The following YAE1 variants were observed in gnomAD, a reference collection of about 807,000 sequenced individuals.
The protein encoded by YAE1 is protein YAE1 homolog.
In YAE1, 22 loss-of-function variants were observed where a neutral mutation model predicts 23.0. That is an observed-to-expected ratio of 0.96 (90% CI 0.68 to 1.37). YAE1 has a LOEUF of 1.37. YAE1 is among the 40% of genes most tolerant of loss of function. The pLI, the probability that YAE1 is intolerant of heterozygous loss-of-function variation, is 0.00. For missense variants in YAE1, 260 were observed against 262.1 expected (o/e 0.99, Z 0.06); for synonymous variants, 101 against 97.0 (o/e 1.04, Z -0.24).
chr7:39,573,057 A>G (rs778573204), downstream of YAE1, among the ~76,000 whole-genome samples: 1 of 152,162 alleles, frequency 6.6e-6, no homozygotes, highest in Non-Finnish European at 1.5e-5. Context: ...TCCTGTCACT[A>G]TTAGGTGGTC....
At chr7:39,593,729 A>C (rs1790937664) in intron 2 of YAE1, among the ~76,000 whole-genome samples, 1 of 152,078 alleles carries the variant, frequency 6.6e-6, no homozygotes, top group Non-Finnish European at 1.5e-5. Context: ...AAATACTGGA[A>C]ATTACAGGCA....
chr7:39,571,153 C>T (rs1163775621), intron 2 of YAE1, among the ~76,000 whole-genome samples: 2 of 152,188 alleles, frequency 1.3e-5, no homozygotes, highest in Non-Finnish European at 2.9e-5. Context: ...GCTTGTCCAA[C>T]CAGTGGCCTG....
At chr7:39,590,955 G>T (rs768393598) in intron 2 of YAE1, among the ~76,000 whole-genome samples, 3 of 152,160 alleles carry the variant, frequency 2.0e-5, no homozygotes, top group Non-Finnish European at 4.4e-5. Context: ...AGACTGGGTG[G>T]CTGGGTGGCT....
chr7:39,572,193 C>T, intron 2 of YAE1, 84 bp from the exon 3 acceptor site: 1 of 1,357,578 alleles, frequency 7.4e-7, no homozygotes, highest in Non-Finnish European at 9.9e-7. Context: ...TGATTAAGTC[C>T]AATCGTTTAA....
At chr7:39,575,338 G>A (rs1456371723), downstream of YAE1, among the ~76,000 whole-genome samples, 2 of 151,350 alleles carry the variant, frequency 1.3e-5, no homozygotes, top group Non-Finnish European at 2.9e-5. Flanking sequence ...CACCAAAAAT[G>A]TTGTGATATG....
At chr7:39,588,833 T>C (rs201404727) in intron 2 of YAE1, among the ~76,000 whole-genome samples, 3 of 146,586 alleles carry the variant, frequency 2.0e-5, no homozygotes, top group African/African-American at 5.0e-5. Context: ...TTTTTTTTTC[T>C]TTTTTTTGGA....
chr7:39,605,310 G>A (rs898864445), intron 2 of YAE1, among the ~76,000 whole-genome samples: 5 of 152,188 alleles, frequency 3.3e-5, no homozygotes, highest in Non-Finnish European at 5.9e-5. Context: ...TGCCCAAATA[G>A]TTGGTTAATT....
At chr7:39,581,287 T>C (rs1396188238) in intron 2 of YAE1, among the ~76,000 whole-genome samples, 1 of 152,216 alleles carries the variant, frequency 6.6e-6, no homozygotes, top group African/African-American at 2.4e-5. Flanking sequence ...TTGTTATTTA[T>C]AAAAGAAATA....
chr7:39,598,604 C>CT (rs1791011128), intron 2 of YAE1, among the ~76,000 whole-genome samples: 1 of 151,662 alleles, frequency 6.6e-6, no homozygotes, highest in Non-Finnish European at 1.5e-5. Flanking sequence ...TGGCAAAACT[C>CT]TATCTCTACC....
intron 2 of YAE1, among the ~76,000 whole-genome samples, chr7:39,584,937 C>T (rs1160286832): frequency 6.6e-6 from 1 of 152,210 alleles, no homozygotes; most frequent in Non-Finnish European, 1.5e-5. Flanking sequence ...GCAGCCTCCA[C>T]CTAGCAAAAC....
At chr7:39,605,891 G>A (rs1791123535) in intron 2 of YAE1, among the ~76,000 whole-genome samples, 1 of 151,796 alleles carries the variant, frequency 6.6e-6, no homozygotes, top group African/African-American at 2.4e-5. Flanking sequence ...CTAGAATTAT[G>A]GTTCTACTTC....
chr7:39,592,541 C>T (rs1790915598), intron 2 of YAE1, among the ~76,000 whole-genome samples: 1 of 152,124 alleles, frequency 6.6e-6, no homozygotes, highest in Non-Finnish European at 1.5e-5. Flanking sequence ...CAAAAATGCA[C>T]ATACTACCAC....
rs780562555 is a variant in YAE1 at position 39,572,337 on chromosome 7, C to T, written c.312C>T (p.Asn104=). 1.2e-6 allele frequency: 2 copies of T among 1,613,908 alleles called. No individual in the cohort carries two copies. Among genetic ancestry groups the T allele is most frequent in the Non-Finnish European group, 1.7e-6 (2 of 1,179,908 alleles). ...NNNSTLINKI[N]NLLDAVGQCE... is the part of the protein sequence containing the mutation. ...ATTCAACTTTGATCAATAAAATAAA[C>T]AATCTTCTGGATGCAGTTGGCCAGT... Residue 104 remains asparagine, a synonymous_variant, in exon 3 of 3, where the codon AAC becomes AAT. Transcript: ENST00000223273.
rs372288765 is a variant in YAE1, at chr7:39,599,884, C to T, written c.252-9733C>T. ...GATTACAGGCGTCAGCCACCGTGCC[C>T]GGCCTGAAGTGTTGTTTTAAAGATT... is the stretch of plus-strand genomic sequence containing the variant. On this transcript the variant is annotated intron_variant, in intron 2 of 2. Transcript: ENST00000432096. Among the ~76,000 whole-genome samples, 149 of 152,072 alleles carry T rather than the reference C, an allele frequency of 9.8e-4. 2 individuals are homozygous for T. In the South Asian group the frequency reaches 0.021, roughly 22 times the overall value.
chr7:39,593,303 G>A (rs552750668), intron 2 of YAE1, among the ~76,000 whole-genome samples: 1 of 145,866 alleles, frequency 6.9e-6, no homozygotes, highest in South Asian at 2.2e-4. Flanking sequence ...ATGTGCCTCA[G>A]CCTTCCGAGT....
chr7:39,590,540 T>G (rs1790887517), intron 2 of YAE1, among the ~76,000 whole-genome samples: 2 of 152,222 alleles, frequency 1.3e-5, no homozygotes, highest in Admixed American at 6.5e-5. Flanking sequence ...TTTTTTAATT[T>G]AGGGATATTT....
chr7:39,587,736 A>G (rs1035445109), intron 2 of YAE1, among the ~76,000 whole-genome samples: 3 of 152,110 alleles, frequency 2.0e-5, no homozygotes, highest in African/African-American at 2.4e-5. Context: ...TTTATTTTCT[A>G]TATTACAATC....
downstream of YAE1, among the ~76,000 whole-genome samples, chr7:39,611,187 G>A (rs1791210320): frequency 6.6e-6 from 1 of 152,052 alleles, no homozygotes. Flanking sequence ...ATTGGCTGTG[G>A]TTATGACAAT....
chr7:39,571,489 C>A (rs1372263136), intron 2 of YAE1, among the ~76,000 whole-genome samples: 1 of 151,586 alleles, frequency 6.6e-6, no homozygotes, highest in Non-Finnish European at 1.5e-5. Context: ...CCAAAACAAA[C>A]CGAAAAATTT....
Sources: gnomAD v4.1 joint callset for allele counts (sites outside exome capture counted in the v4.1 genomes callset) on GRCh38, gnomAD v4.1.1 for gene constraint, MANE v1.5 for transcripts, NCBI Gene and HGNC (gene_info 2026-07-23, HGNC 2026-07-21) for gene names.